Variants in WDPCP observed in about 807,000 individuals in gnomAD.
WDPCP encodes WD repeat-containing and planar cell polarity effector protein fritz homolog.
In WDPCP, 71 loss-of-function variants were observed where a neutral mutation model predicts 93.1. The observed-to-expected ratio is 0.76, with a 90% CI of 0.63 to 0.93. WDPCP has a LOEUF of 0.93. WDPCP is among the 40% of genes least tolerant of loss of function. WDPCP has a pLI of 0.00. For synonymous variants in WDPCP, 315 were observed against 315.0 expected (o/e 1.00, Z 0.00); for missense variants, 844 against 887.4 (o/e 0.95, Z 0.62).
chr2:63,212,398 T>C (rs2104418471), intron 14 of WDPCP, among the ~76,000 whole-genome samples: 1 of 152,246 alleles, frequency 6.6e-6, no homozygotes, highest in Non-Finnish European at 1.5e-5. Flanking sequence ...AATAAAATCC[T>C]TTACAGACAA....
At chr2:63,430,144 C>G (rs1696629354) in intron 9 of WDPCP, among the ~76,000 whole-genome samples, 1 of 152,068 alleles carries the variant, frequency 6.6e-6, no homozygotes, top group Non-Finnish European at 1.5e-5. Context: ...CAACAGTTCT[C>G]TCTTATAAGT....
At chr2:63,311,188 T>C (rs184321071) in intron 13 of WDPCP, among the ~76,000 whole-genome samples, 54 of 152,324 alleles carry the variant, frequency 3.5e-4, no homozygotes, top group African/African-American at 1.2e-3. Context: ...GTGATTCATA[T>C]GTTATTATTT....
intron 2 of WDPCP, among the ~76,000 whole-genome samples, chr2:63,663,235 G>A (rs1420286856): frequency 6.6e-6 from 1 of 152,208 alleles, no homozygotes; most frequent in Non-Finnish European, 1.5e-5. Flanking sequence ...CTTGCCCTCT[G>A]CTACTGTTGG....
At chr2:63,323,299 T>G (rs1249917242) in intron 12 of WDPCP, among the ~76,000 whole-genome samples, 1 of 152,216 alleles carries the variant, frequency 6.6e-6, no homozygotes, top group Admixed American at 6.5e-5. Flanking sequence ...CTCTGGTGCT[T>G]TTCTAGTTTC....
chr2:63,122,063 A>G lies in WDPCP; in HGVS notation c.2191-7T>C. Reference sequence around the variant, plus strand: ...AACCACCATCTCTGATTTCCTGCAAATAAACAAATAAAAATAATGTTTAAG... The same window carrying G: ...AACCACCATCTCTGATTTCCTGCAAGTAAACAAATAAAAATAATGTTTAAG... On this transcript the variant is annotated splice_region_variant and splice_polypyrimidine_tract_variant and intron_variant, in intron 17 of 17. Transcript: ENST00000272321. The G allele has an allele frequency of 6.3e-7, 1 of 1,592,412 alleles. No individual in the cohort carries two copies.
chr2:63,295,391 A>T (rs1223102409), intron 13 of WDPCP, among the ~76,000 whole-genome samples: 1 of 152,130 alleles, frequency 6.6e-6, no homozygotes, highest in Non-Finnish European at 1.5e-5. Context: ...GCTGTAAGAG[A>T]TTTACTATAG....
intron 1 of WDPCP, among the ~76,000 whole-genome samples, chr2:63,497,463 T>A (rs1425644884): frequency 6.6e-6 from 1 of 152,152 alleles, no homozygotes; most frequent in African/African-American, 2.4e-5. Context: ...AGGAAGATAG[T>A]CAAATGTGGG....
intron 2 of WDPCP, among the ~76,000 whole-genome samples, chr2:63,792,197 G>T (rs1312884908): frequency 1.3e-5 from 2 of 152,134 alleles, no homozygotes; most frequent in African/African-American, 2.4e-5. Context: ...ATAAAGAAAA[G>T]AAATTTAATT....
Position 63,562,022 on chromosome 2 carries a change from AT to A in WDPCP, c.75+26174del, listed in dbSNP as rs551320934. Among the ~76,000 whole-genome samples the A allele has an allele frequency of 2.6e-5, 4 of 152,350 alleles. No individual in the cohort carries two copies. In the South Asian group the frequency reaches 8.3e-4, roughly 32 times the overall value. ...TGACCTAGCAATCTCATTATTGGGT[AT>A]ATACCAAAAGGAGTATCAATCATTC... On this transcript the variant is annotated intron_variant, in intron 1 of 17. Coordinates refer to ENST00000272321, the MANE Select transcript of WDPCP (RefSeq NM_015910.7).
At chr2:63,550,790 T>C (rs1178057398) in intron 1 of WDPCP, among the ~76,000 whole-genome samples, 1 of 51,026 alleles carries the variant, frequency 2.0e-5, no homozygotes, top group Non-Finnish European at 3.1e-5. Flanking sequence ...TACATATATA[T>C]GTATATATAT....
chr2:63,493,082 G>A (rs763583179), intron 1 of WDPCP, 142 bp from the exon 2 acceptor site: 7 of 703,090 alleles, frequency 1.0e-5, no homozygotes, highest in Non-Finnish European at 1.7e-5. Context: ...ACATACTCTA[G>A]TGTATCCTTG....
chr2:63,459,870 T>C (rs760786394), intron 6 of WDPCP, among the ~76,000 whole-genome samples: 20 of 152,024 alleles, frequency 1.3e-4, no homozygotes, highest in Non-Finnish European at 1.5e-4. Context: ...TGAGGTGAGA[T>C]TGCGCCACTG....
At chr2:63,349,872 A>C (rs1236866632) in intron 12 of WDPCP, among the ~76,000 whole-genome samples, 1 of 152,228 alleles carries the variant, frequency 6.6e-6, no homozygotes, top group Non-Finnish European at 1.5e-5. Flanking sequence ...ATTTAGTTGC[A>C]GGCTCTCCCA....
intron 2 of WDPCP, among the ~76,000 whole-genome samples, chr2:63,490,051 T>C (rs1700785133): frequency 6.8e-6 from 1 of 147,070 alleles, no homozygotes; most frequent in African/African-American, 2.5e-5. Flanking sequence ...TTTACAATCA[T>C]CCTACACAAT....
At chr2:63,677,666 G>C (rs185912924) in intron 2 of WDPCP, among the ~76,000 whole-genome samples, 2 of 152,124 alleles carry the variant, frequency 1.3e-5, no homozygotes, top group Admixed American at 6.6e-5. Flanking sequence ...TCTTCAAAAT[G>C]CTAAAAGAAA....
chr2:63,433,627 A>T, intron 9 of WDPCP, 118 bp downstream of exon 9: 1 of 1,102,596 alleles, frequency 9.1e-7, no homozygotes, highest in African/African-American at 1.6e-5. Context: ...TACTTTTTGA[A>T]TATTTGAAAA....
At chr2:63,421,167 G>A (rs192302965) in intron 9 of WDPCP, among the ~76,000 whole-genome samples, 274 of 152,078 alleles carry the variant, frequency 1.8e-3, no homozygotes, top group Non-Finnish European at 3.3e-3. Flanking sequence ...ATTTGTAATC[G>A]TTTTCAATGA....
intron 14 of WDPCP, among the ~76,000 whole-genome samples, chr2:63,199,975 A>G (rs1176025844): frequency 6.6e-6 from 1 of 152,222 alleles, no homozygotes; most frequent in Non-Finnish European, 1.5e-5. Context: ...TTGCATCAGC[A>G]TGTGCTTGAT....
chr2:63,516,970 G>A (rs1319286816), intron 1 of WDPCP, among the ~76,000 whole-genome samples: 1 of 151,438 alleles, frequency 6.6e-6, no homozygotes, highest in Non-Finnish European at 1.5e-5. Context: ...AGAAAGAAGT[G>A]AAAGAGAAAA....
Sources: gnomAD v4.1 joint callset for allele counts (sites outside exome capture counted in the v4.1 genomes callset) on GRCh38, gnomAD v4.1.1 for gene constraint, MANE v1.5 for transcripts, NCBI Gene and HGNC (gene_info 2026-07-23, HGNC 2026-07-21) for gene names.